The following ROBO2 variants were observed in gnomAD, a reference collection of about 807,000 sequenced individuals.
ROBO2 encodes roundabout guidance receptor 2.
ROBO2 carries 53 observed loss-of-function variants against 160.8 expected under a neutral mutation model. That is an observed-to-expected ratio of 0.33 (90% CI 0.26 to 0.41). ROBO2 has a LOEUF of 0.41. Ranked by LOEUF, ROBO2 falls within the 10% of genes least tolerant of loss-of-function variation. The probability of loss-of-function intolerance (pLI) is 1.00; values close to 1 mark genes in which losing one functional copy is unlikely to be tolerated. For missense variants in ROBO2, 1,577 were observed against 1,722.4 expected (o/e 0.92, Z 1.49); for synonymous variants, 664 against 611.7 (o/e 1.09, Z -1.26).
chr3:76,603,351 AAT>A (rs71104603), intron 2 of ROBO2, among the ~76,000 whole-genome samples: 843 of 26,402 alleles, frequency 0.032, 7 homozygotes, highest in Middle Eastern at 0.067. Flanking sequence ...AAAAAAAAAA[AAT>A]ATATATATAT....
exon 5 of ROBO2, chr3:77,493,381 A>C: frequency 3.7e-6 from 6 of 1,614,078 alleles, no homozygotes; most frequent in Non-Finnish European, 5.1e-6. Context: ...GCCAAGAGGA[A>C]GGTAAGACCA....
chr3:76,528,522 G>A (rs1414446172), intron 2 of ROBO2, among the ~76,000 whole-genome samples: 2 of 152,064 alleles, frequency 1.3e-5, no homozygotes, highest in East Asian at 1.9e-4. Context: ...GCAGGAATTA[G>A]TTGACAACTG....
At chr3:76,588,978 T>G (rs915420548) in intron 2 of ROBO2, among the ~76,000 whole-genome samples, 1 of 152,146 alleles carries the variant, frequency 6.6e-6, no homozygotes, top group African/African-American at 2.4e-5. Flanking sequence ...ATAAATATTC[T>G]CAAAACAATA....
At chr3:76,928,311 C>A (rs1360438643) in intron 2 of ROBO2, among the ~76,000 whole-genome samples, 2 of 152,266 alleles carry the variant, frequency 1.3e-5, no homozygotes, top group Admixed American at 6.5e-5. Flanking sequence ...GCAGCCCTAC[C>A]TACCCATACC....
intron 2 of ROBO2, among the ~76,000 whole-genome samples, chr3:77,431,190 A>G (rs951552113): frequency 6.6e-6 from 1 of 152,154 alleles, no homozygotes; most frequent in African/African-American, 2.4e-5. Context: ...AGTAACTCTT[A>G]ATGTCTGAGA....
intron 2 of ROBO2, among the ~76,000 whole-genome samples, chr3:76,611,412 G>A (rs1242700240): frequency 6.6e-6 from 1 of 151,894 alleles, no homozygotes; most frequent in Admixed American, 6.6e-5. Context: ...ACTTTTCTTT[G>A]CCGGAAGGCT....
intron 2 of ROBO2, among the ~76,000 whole-genome samples, chr3:76,406,339 A>G (rs1279358891): frequency 6.6e-6 from 1 of 151,914 alleles, no homozygotes; most frequent in Non-Finnish European, 1.5e-5. Flanking sequence ...CTCTATGATG[A>G]TAACTAATTT....
At chr3:77,317,394 G>A in intron 2 of ROBO2, 1 of 1,174,006 alleles carries the variant, frequency 8.5e-7, no homozygotes, top group South Asian at 1.3e-5. Context: ...CCATTTCTCC[G>A]TAGACCTCGA....
chr3:76,170,863 G>T (rs1283917011), intron 2 of ROBO2, among the ~76,000 whole-genome samples: 5 of 152,038 alleles, frequency 3.3e-5, no homozygotes, highest in African/African-American at 9.7e-5. Flanking sequence ...AAAATACCCT[G>T]GCGAACAATT....
At chr3:77,144,887 C>T (rs2076998749) in intron 2 of ROBO2, among the ~76,000 whole-genome samples, 1 of 152,058 alleles carries the variant, frequency 6.6e-6, no homozygotes. Flanking sequence ...AATGCCTTGC[C>T]AAGTGGAACA....
At chr3:77,519,369 A>T (rs2090355798) in intron 5 of ROBO2, among the ~76,000 whole-genome samples, 1 of 151,144 alleles carries the variant, frequency 6.6e-6, no homozygotes, top group South Asian at 2.1e-4. Context: ...TTCAACCTTT[A>T]TTTTAGATTT....
chr3:77,302,092 A>G (rs1295406626), intron 2 of ROBO2, among the ~76,000 whole-genome samples: 2 of 151,066 alleles, frequency 1.3e-5, no homozygotes, highest in African/African-American at 4.9e-5. Context: ...TTTTTTCCAT[A>G]GAAACTAAGT....
chr3:76,256,187 G>A (rs536063220), intron 2 of ROBO2, among the ~76,000 whole-genome samples: 1 of 152,066 alleles, frequency 6.6e-6, no homozygotes, highest in Admixed American at 6.5e-5. Flanking sequence ...ATGTACACTT[G>A]TAGTCCCAGC....
chr3:77,190,905 G>A (rs189842760), intron 2 of ROBO2, among the ~76,000 whole-genome samples: 38 of 152,096 alleles, frequency 2.5e-4, no homozygotes, highest in African/African-American at 9.2e-4. Flanking sequence ...AAGGTGAATA[G>A]TCCTGCTGGC....
chr3:76,656,505 C>T (rs1183204513), intron 2 of ROBO2, among the ~76,000 whole-genome samples: 1 of 151,902 alleles, frequency 6.6e-6, no homozygotes, highest in Non-Finnish European at 1.5e-5. Flanking sequence ...TTAAAACTGG[C>T]CAGAAAAGAA....
At chr3:76,996,169 T>C (rs1365822630) in intron 2 of ROBO2, among the ~76,000 whole-genome samples, 1 of 152,208 alleles carries the variant, frequency 6.6e-6, no homozygotes, top group Non-Finnish European at 1.5e-5. Context: ...TTTCTACATA[T>C]GGCTAGCCAG....
intron 6 of ROBO2, among the ~76,000 whole-genome samples, chr3:77,531,221 CT>C (rs1203303060): frequency 6.6e-6 from 1 of 152,060 alleles, no homozygotes. Flanking sequence ...TTGATGGAAA[CT>C]TCTAAGTATT....
intron 2 of ROBO2, among the ~76,000 whole-genome samples, chr3:76,592,263 T>G (rs2086460662): frequency 1.3e-5 from 2 of 152,078 alleles, no homozygotes; most frequent in South Asian, 4.1e-4. Context: ...TAGGGTTGTT[T>G]TCCCTGTACA....
chr3:76,796,491 GGAAGGAAGGAAA>G (rs1407684422), intron 2 of ROBO2, among the ~76,000 whole-genome samples: 1 of 128,356 alleles, frequency 7.8e-6, no homozygotes, highest in Non-Finnish European at 1.6e-5. Context: ...AGGGAAGGAA[GGAAGGAAGGAAA>G]GAAGGAAAGA....
Sources: allele counts gnomAD v4.1 joint callset (sites outside exome capture counted in the v4.1 genomes callset), GRCh38; gene constraint gnomAD v4.1.1; transcripts MANE v1.5; gene names NCBI Gene and HGNC (gene_info 2026-07-23, HGNC 2026-07-21).